Variants in LHFPL2 observed in about 807,000 individuals in gnomAD.
LHFPL2 encodes LHFPL tetraspan subfamily member 2 protein.
A neutral mutation model predicts 17.5 loss-of-function variants in LHFPL2; 7 were observed. That is an observed-to-expected ratio of 0.40 (90% CI 0.23 to 0.75). The LOEUF is 0.75. Among genes scored for constraint, LHFPL2 ranks in the 30% least tolerant of loss-of-function variants. The pLI, the probability that LHFPL2 is intolerant of heterozygous loss-of-function variation, is 0.37. For missense variants in LHFPL2, 241 were observed against 294.8 expected, an observed-to-expected ratio of 0.82 and a Z score of 1.34; for synonymous variants, 134 against 116.2, an observed-to-expected ratio of 1.15 and a Z score of -0.99.
intron 2 of LHFPL2, among the ~76,000 whole-genome samples, chr5:78,579,743 T>C (rs1487923640): frequency 2.0e-5 from 3 of 152,344 alleles, no homozygotes; most frequent in Non-Finnish European, 2.9e-5. Context: ...AGTCTTATCA[T>C]TGTTGGACAT....
intron 4 of LHFPL2, among the ~76,000 whole-genome samples, chr5:78,499,569 CA>C (rs1754710282): frequency 6.6e-6 from 1 of 152,124 alleles, no homozygotes. Flanking sequence ...ACTTCCAAGA[CA>C]AAAACATTTG....
intron 4 of LHFPL2, among the ~76,000 whole-genome samples, chr5:78,502,061 T>C (rs1437876870): frequency 6.6e-6 from 1 of 152,168 alleles, no homozygotes; most frequent in African/African-American, 2.4e-5. Context: ...TAGTAAGATA[T>C]CCATTTTCTA....
chr5:78,582,513 A>G (rs1309719106), intron 2 of LHFPL2, among the ~76,000 whole-genome samples: 3 of 151,404 alleles, frequency 2.0e-5, no homozygotes, highest in African/African-American at 7.3e-5. Context: ...TTCAAAGAAC[A>G]TCTTTATTTG....
At chr5:78,549,639 T>G (rs1454746416) in intron 3 of LHFPL2, among the ~76,000 whole-genome samples, 1 of 152,212 alleles carries the variant, frequency 6.6e-6, no homozygotes, top group Non-Finnish European at 1.5e-5. Flanking sequence ...TCGATTTTCT[T>G]TCATCAGGAG....
At chr5:78,495,813 G>GC (rs1754587181) in intron 4 of LHFPL2, among the ~76,000 whole-genome samples, 1 of 152,166 alleles carries the variant, frequency 6.6e-6, no homozygotes. Context: ...CATGCCATAT[G>GC]CTTGCCTTCA....
chr5:78,541,857 G>T (rs1342870979), intron 3 of LHFPL2, among the ~76,000 whole-genome samples: 2 of 152,210 alleles, frequency 1.3e-5, no homozygotes, highest in Non-Finnish European at 2.9e-5. Flanking sequence ...GAGGGCAGCC[G>T]CTAGCTTGTG....
chr5:78,526,695 C>A, intron 3 of LHFPL2, among the ~76,000 whole-genome samples: 1 of 152,186 alleles, frequency 6.6e-6, no homozygotes, highest in East Asian at 1.9e-4. Flanking sequence ...TGGGTCCACA[C>A]AAAAACCCAG....
Position 78,553,713 on chromosome 5 carries a change from A to G in LHFPL2, c.-186+11100T>C, listed in dbSNP as rs191968852. Among the ~76,000 whole-genome samples, 22 of 152,348 alleles carry G rather than the reference A, an allele frequency of 1.4e-4. No homozygotes were observed. In the East Asian group the frequency reaches 3.9e-3, roughly 27 times the overall value. Reference sequence around the variant, plus strand: ...CTTTCCTTCCCCAGGAATTTCCCCAAGTAATGAAGGTAGCTCTGCTCAGAC... The same window carrying G: ...CTTTCCTTCCCCAGGAATTTCCCCAGGTAATGAAGGTAGCTCTGCTCAGAC... On this transcript the variant is annotated intron_variant, in intron 3 of 4. Transcript: ENST00000380345.
chr5:78,589,171 TA>T (rs1452460001), intron 2 of LHFPL2, among the ~76,000 whole-genome samples: 1 of 151,906 alleles, frequency 6.6e-6, no homozygotes, highest in Non-Finnish European at 1.5e-5. Context: ...AAGGCATTTC[TA>T]AAAAAAATTA....
intron 2 of LHFPL2, among the ~76,000 whole-genome samples, chr5:78,622,670 C>G (rs10491473): frequency 0.081 from 12,278 of 152,238 alleles, 1,661 homozygotes; most frequent in African/African-American, 0.28. Flanking sequence ...CCTGACAAGT[C>G]TCTCTAATGT....
intron 3 of LHFPL2, among the ~76,000 whole-genome samples, chr5:78,526,874 C>T (rs907921458): frequency 5.9e-5 from 9 of 152,172 alleles, no homozygotes; most frequent in African/African-American, 1.2e-4. Flanking sequence ...ACCATGGCGT[C>T]GCTTTCCCGG....
At chr5:78,644,118 T>A (rs1745777197) in intron 1 of LHFPL2, 1 of 455,316 alleles carries the variant, frequency 2.2e-6, no homozygotes, top group Non-Finnish European at 3.9e-6. Context: ...TAACATTTGG[T>A]AGTGTGTTAA....
At chr5:78,554,729 A>G (rs190230822) in intron 3 of LHFPL2, among the ~76,000 whole-genome samples, 1 of 152,366 alleles carries the variant, frequency 6.6e-6, no homozygotes, top group East Asian at 1.9e-4. Flanking sequence ...TGTCACAGCC[A>G]TAAGGAGCCT....
chr5:78,601,339 G>A (rs537153363), intron 2 of LHFPL2, among the ~76,000 whole-genome samples: 1 of 152,300 alleles, frequency 6.6e-6, no homozygotes, highest in East Asian at 1.9e-4. Context: ...GTTCACAGTT[G>A]AGAAGGCAGG....
chr5:78,514,098 C>G (rs141248827), intron 3 of LHFPL2, among the ~76,000 whole-genome samples: 1 of 152,166 alleles, frequency 6.6e-6, no homozygotes, highest in Non-Finnish European at 1.5e-5. Context: ...CACAGGGATA[C>G]GAGGCACAGC....
intron 3 of LHFPL2, among the ~76,000 whole-genome samples, chr5:78,524,111 T>C (rs1318674540): frequency 6.6e-6 from 1 of 152,116 alleles, no homozygotes; most frequent in Admixed American, 6.5e-5. Context: ...AACAGAAGGT[T>C]GTCATTAAGG....
intron 2 of LHFPL2, among the ~76,000 whole-genome samples, chr5:78,577,495 G>T (rs1299456427): frequency 6.6e-6 from 1 of 152,026 alleles, no homozygotes; most frequent in Non-Finnish European, 1.5e-5. Context: ...CACATAAAAG[G>T]TGCCATTTAA....
chr5:78,538,364 C>T (rs765169061), intron 3 of LHFPL2, among the ~76,000 whole-genome samples: 33 of 152,190 alleles, frequency 2.2e-4, no homozygotes, highest in Non-Finnish European at 4.4e-4. Flanking sequence ...AGCAAACATT[C>T]AAAGATTGGA....
At chr5:78,535,101 C>T (rs909803626) in intron 3 of LHFPL2, among the ~76,000 whole-genome samples, 4 of 152,218 alleles carry the variant, frequency 2.6e-5, no homozygotes, top group African/African-American at 9.6e-5. Context: ...GGTTCCATTA[C>T]ATTTTCTTCC....
Sources: gnomAD v4.1 joint callset for allele counts (sites outside exome capture counted in the v4.1 genomes callset) on GRCh38, gnomAD v4.1.1 for gene constraint, MANE v1.5 for transcripts, NCBI Gene and HGNC (gene_info 2026-07-23, HGNC 2026-07-21) for gene names.